Variants in ST18 observed in about 807,000 individuals in gnomAD.
ST18 encodes the protein suppression of tumorigenicity 18 protein.
Under a neutral mutation model 110.0 loss-of-function variants are expected in ST18, and 50 were observed. That is an observed-to-expected ratio of 0.45 (90% CI 0.36 to 0.58). The LOEUF is 0.58. Ranked by LOEUF, ST18 falls within the 20% of genes least tolerant of loss-of-function variation. The pLI is 0.00. For missense variants in ST18, 1,306 were observed against 1,280.1 expected (o/e 1.02, Z -0.31); for synonymous variants, 461 against 452.4 (o/e 1.02, Z -0.24).
At chr8:52,359,004 A>G (rs532683111) in intron 2 of ST18, among the ~76,000 whole-genome samples, 1 of 152,010 alleles carries the variant, frequency 6.6e-6, no homozygotes, top group Non-Finnish European at 1.5e-5. Context: ...ATTTAATAAC[A>G]TCATATTAAG....
intron 2 of ST18, among the ~76,000 whole-genome samples, chr8:52,268,023 G>A (rs1182451330): frequency 6.6e-6 from 1 of 152,176 alleles, no homozygotes; most frequent in East Asian, 1.9e-4. Flanking sequence ...GTGACTTATT[G>A]TTATTTGTTT....
rs190515469 is a variant in ST18 at position 52,128,826 on chromosome 8, A to T, written c.2667-2686T>A. 2.1e-3 allele frequency among the ~76,000 whole-genome samples: 327 copies of T among 152,278 alleles called. 2 individuals are homozygous for T. Among genetic ancestry groups the T allele is most frequent in the Non-Finnish European group, 3.7e-3 (255 of 68,024 alleles). ...TTGTTTCATCTTCTGTCAACTGAGG[A>T]TAATTATAATAACTATAGCTCACAG... On this transcript the variant is annotated intron_variant, in intron 22 of 25. Coordinates refer to ENST00000689386, the MANE Select transcript of ST18 (RefSeq NM_001352837.2).
At chr8:52,217,135 C>T (rs1445104625) in intron 6 of ST18, among the ~76,000 whole-genome samples, 1 of 152,110 alleles carries the variant, frequency 6.6e-6, no homozygotes, top group Non-Finnish European at 1.5e-5. Flanking sequence ...TCTGTAAAAC[C>T]TAATGAGTCC....
chr8:52,171,641 A>G (rs528519586), intron 10 of ST18, 151 bp downstream of exon 10: 5 of 870,398 alleles, frequency 5.7e-6, no homozygotes, highest in African/African-American at 5.0e-5. Context: ...GTGGGGGAAA[A>G]GAAAGAAATT....
At chr8:52,403,902 AG>A (rs1843610703) in intron 2 of ST18, 1 of 152,224 alleles carries the variant, frequency 6.6e-6, no homozygotes, top group South Asian at 2.1e-4. Context: ...ACTGGTGATC[AG>A]TTACCAGGCT....
At chr8:52,116,157 C>A in intron 25 of ST18, 118 bp downstream of exon 25, 1 of 1,090,314 alleles carries the variant, frequency 9.2e-7, no homozygotes, top group South Asian at 1.8e-5. Flanking sequence ...GAAGTGTGGT[C>A]ACTCTGTGAC....
At chr8:52,318,890 G>A (rs952207399) in intron 2 of ST18, among the ~76,000 whole-genome samples, 22 of 151,706 alleles carry the variant, frequency 1.5e-4, no homozygotes, top group African/African-American at 2.4e-4. Context: ...GGACACATGG[G>A]GGGGTGGGAC....
chr8:52,196,033 T>C (rs1409192146), intron 8 of ST18, among the ~76,000 whole-genome samples: 2 of 152,196 alleles, frequency 1.3e-5, no homozygotes, highest in Non-Finnish European at 1.5e-5. Flanking sequence ...TAATTTGAAA[T>C]AGCAATCACG....
At chr8:52,237,313 T>A (rs1434525561) in intron 2 of ST18, among the ~76,000 whole-genome samples, 2 of 152,216 alleles carry the variant, frequency 1.3e-5, no homozygotes, top group Non-Finnish European at 2.9e-5. Context: ...ATGGAGTTAG[T>A]AGGATAATTT....
At position 52,164,949 on chromosome 8, in the gene ST18, G is replaced by A. The variant is rs111442156; in HGVS notation, c.1295+186C>T. The stretch of plus-strand genomic sequence containing the variant: ...GCTAATATACAAATTTCTAAGAAAG[G>A]AAATGATGAGGTCCTTTCTTTTTGA... On this transcript the variant is annotated intron_variant, in intron 12 of 25. Transcript: ENST00000689386. 6.0e-3 allele frequency among the ~76,000 whole-genome samples: 920 copies of A among 152,262 alleles called. 1 individual carries two copies. Among genetic ancestry groups the A allele is most frequent in the Middle Eastern group, 0.027 (8 of 294 alleles).
intron 2 of ST18, among the ~76,000 whole-genome samples, chr8:52,245,848 T>C (rs1357077193): frequency 6.6e-6 from 1 of 152,144 alleles, no homozygotes; most frequent in East Asian, 1.9e-4. Context: ...CACTTAATAG[T>C]GTAAATAAGT....
chr8:52,126,644 C>G (rs1036994349), intron 22 of ST18, among the ~76,000 whole-genome samples: 3 of 152,206 alleles, frequency 2.0e-5, no homozygotes, highest in African/African-American at 7.2e-5. Context: ...CCCCACGCCC[C>G]CATGGCAAAT....
intron 3 of ST18, chr8:52,222,165 A>C (rs1289297106): frequency 1.3e-5 from 2 of 152,240 alleles, no homozygotes; most frequent in Admixed American, 6.5e-5. Flanking sequence ...ATTTTCTCAA[A>C]GATTGCCAAT....
chr8:52,252,643 G>C (rs1322851852), intron 2 of ST18, among the ~76,000 whole-genome samples: 3 of 151,900 alleles, frequency 2.0e-5, no homozygotes, highest in African/African-American at 7.2e-5. Context: ...AAGCTTTTAA[G>C]CTTAAAATGA....
intron 2 of ST18, among the ~76,000 whole-genome samples, chr8:52,384,786 GGTGTGTGT>G (rs60638852): frequency 2.7e-4 from 40 of 147,480 alleles, no homozygotes; most frequent in African/African-American, 1.7e-4. Flanking sequence ...TGTGTACACA[GGTGTGTGT>G]GTGTGTGTGT....
chr8:52,317,387 C>T (rs2096050320), intron 2 of ST18, among the ~76,000 whole-genome samples: 1 of 152,194 alleles, frequency 6.6e-6, no homozygotes, highest in African/African-American at 2.4e-5. Flanking sequence ...CAAGGGACAC[C>T]TGGAACCACC....
chr8:52,258,419 C>T (rs1554792701), intron 2 of ST18, among the ~76,000 whole-genome samples: 1 of 152,144 alleles, frequency 6.6e-6, no homozygotes, highest in Non-Finnish European at 1.5e-5. Context: ...CATGTCTTTC[C>T]ATTTATTTAT....
intron 10 of ST18, among the ~76,000 whole-genome samples, chr8:52,170,006 A>T (rs1430997511): frequency 6.6e-6 from 1 of 152,266 alleles, no homozygotes; most frequent in Non-Finnish European, 1.5e-5. Flanking sequence ...TCTAAGGATC[A>T]TCAAATACTT....
At chr8:52,348,878 A>T (rs1450442925) in intron 2 of ST18, among the ~76,000 whole-genome samples, 1 of 152,170 alleles carries the variant, frequency 6.6e-6, no homozygotes, top group Non-Finnish European at 1.5e-5. Flanking sequence ...GGAACACAAC[A>T]CCCACTGTCT....
Sources: gnomAD v4.1 joint callset for allele counts (sites outside exome capture counted in the v4.1 genomes callset) on GRCh38, gnomAD v4.1.1 for gene constraint, MANE v1.5 for transcripts, NCBI Gene and HGNC (gene_info 2026-07-23, HGNC 2026-07-21) for gene names.